The following DMD variants were observed in gnomAD, a reference collection of about 807,000 sequenced individuals.
DMD encodes mutant dystrophin.
In DMD, 63 loss-of-function variants were observed where a neutral mutation model predicts 330.1. That is an observed-to-expected ratio of 0.19 (90% confidence interval 0.16 to 0.24). The LOEUF is 0.24. Among genes scored for constraint, DMD ranks in the 10% least tolerant of loss-of-function variants. The pLI, the probability that DMD is intolerant of heterozygous loss-of-function variation, is 1.00. For synonymous variants in DMD, 1,223 were observed against 959.8 expected (o/e 1.27, Z -5.07); for missense variants, 3,344 against 2,684.1 (o/e 1.25, Z -5.43).
intron 41 of DMD, among the ~76,000 whole-genome samples, chrX:32,340,609 G>T (rs2097736801): frequency 3.6e-5 from 4 of 111,604 alleles, no homozygotes; most frequent in Admixed American, 2.9e-4. Context: ...AAGACCTGGG[G>T]AAAATTGGAA....
intron 2 of DMD, among the ~76,000 whole-genome samples, chrX:32,859,779 T>G (rs2149077566): frequency 9.0e-6 from 1 of 111,441 alleles, no homozygotes; most frequent in African/African-American, 3.3e-5. Context: ...ACACCATGTC[T>G]TTGTTGCAGG....
At chrX:33,305,470 T>G (rs5972814) in intron 1 of DMD, among the ~76,000 whole-genome samples, 22,439 of 97,663 alleles carry the variant, frequency 0.23, 2,311 homozygotes, top group Admixed American at 0.27. Context: ...TAATGCTAAA[T>G]GACGAGTTAA....
chrX:33,147,005 G>A (rs1393163340), intron 1 of DMD, among the ~76,000 whole-genome samples: 2 of 109,520 alleles, frequency 1.8e-5, no homozygotes, highest in African/African-American at 6.7e-5. Context: ...TTATTTTTTA[G>A]TAGAGACGGG....
At chrX:31,505,575 A>G (rs1569547868) in intron 56 of DMD, among the ~76,000 whole-genome samples, 1 of 111,028 alleles carries the variant, frequency 9.0e-6, no homozygotes, top group Non-Finnish European at 1.9e-5. Flanking sequence ...CTACGGTATC[A>G]TATGGTGGTT....
chrX:33,114,980 G>A (rs1316862056), intron 1 of DMD, among the ~76,000 whole-genome samples: 1 of 112,100 alleles, frequency 8.9e-6, no homozygotes, highest in East Asian at 2.8e-4. Flanking sequence ...AATTGTTAAT[G>A]TTTATAACAA....
intron 25 of DMD, among the ~76,000 whole-genome samples, chrX:32,457,555 G>A (rs931759205): frequency 1.8e-5 from 2 of 110,937 alleles, no homozygotes; most frequent in South Asian, 3.8e-4. Flanking sequence ...ATCCAGGTAC[G>A]TAAGTGGAAA....
intron 11 of DMD, among the ~76,000 whole-genome samples, chrX:32,637,174 G>A (rs982520091): frequency 2.7e-5 from 3 of 111,228 alleles, no homozygotes; most frequent in Non-Finnish European, 3.8e-5. Flanking sequence ...ATTATCTCTA[G>A]TAAGAATAGG....
chrX:31,394,938 T>TGA (rs757803694), intron 60 of DMD, among the ~76,000 whole-genome samples: 38 of 86,849 alleles, frequency 4.4e-4, no homozygotes, highest in East Asian at 1.5e-3. Context: ...GAGAGAAGGG[T>TGA]GAGAGAGAGA....
At chrX:31,231,165 C>T (rs777238990) in intron 63 of DMD, among the ~76,000 whole-genome samples, 73 of 110,630 alleles carry the variant, frequency 6.6e-4, no homozygotes, top group African/African-American at 2.3e-3. Flanking sequence ...ACATACAATC[C>T]ATAATAATTA....
At chrX:32,316,808 G>A (rs1481541382) in intron 41 of DMD, among the ~76,000 whole-genome samples, 3 of 110,736 alleles carry the variant, frequency 2.7e-5, no homozygotes, top group African/African-American at 9.8e-5. Flanking sequence ...GATCTAGTTT[G>A]CTATCTATTC....
intron 62 of DMD, among the ~76,000 whole-genome samples, chrX:31,315,816 A>G (rs181724982): frequency 1.8e-4 from 20 of 112,357 alleles, no homozygotes; most frequent in African/African-American, 5.5e-4. Context: ...CATTGATGAC[A>G]TTCTGTTAAG....
intron 48 of DMD, among the ~76,000 whole-genome samples, chrX:31,856,480 C>A (rs1242202951): frequency 8.9e-6 from 1 of 112,024 alleles, no homozygotes; most frequent in African/African-American, 3.2e-5. Flanking sequence ...TACCAGATTA[C>A]TTCTGTATTC....
In DMD at chrX:31,120,994, G is replaced by GTTGTT. The variant is rs778739799; in HGVS notation, c.*920_*924dup. ...ACTTTACTTTCGTTGTCAGTGGAAA[G>GTTGTT]TTGTTTAAAATGAGAAACATCTGGA... On this transcript the variant is annotated 3_prime_UTR_variant, in exon 79 of 79. Transcript: ENST00000357033. 9.0e-6 allele frequency: 1 copy of GTTGTT among 111,525 alleles called. No individual in the cohort carries two copies. Among genetic ancestry groups the GTTGTT allele is most frequent in the Non-Finnish European group, 1.9e-5 (1 of 53,046 alleles). 9.2% of individuals were successfully genotyped at this position (111,525 alleles called of 1,213,427 possible). A position where few individuals can be genotyped will look rare whatever the true frequency, so the allele number is the denominator to read the frequency against.
chrX:33,316,249 T>G (rs2053931203), intron 1 of DMD, among the ~76,000 whole-genome samples: 1 of 110,248 alleles, frequency 9.1e-6, no homozygotes, highest in Non-Finnish European at 1.9e-5. Flanking sequence ...AAAACCAAAC[T>G]CCAACAATTC....
chrX:31,498,990 C>T (rs748928243), intron 56 of DMD, among the ~76,000 whole-genome samples: 9 of 111,762 alleles, frequency 8.1e-5, no homozygotes, highest in Non-Finnish European at 1.1e-4. Context: ...TGTTTAATAG[C>T]ATGTAATGTG....
intron 1 of DMD, among the ~76,000 whole-genome samples, chrX:33,239,299 A>T (rs893587496): frequency 1.4e-4 from 13 of 94,934 alleles, no homozygotes; most frequent in Admixed American, 3.5e-4. Flanking sequence ...AAAAAAAAAA[A>T]AATGTCGAAT....
chrX:32,651,629 G>T (rs1345644869), intron 9 of DMD, among the ~76,000 whole-genome samples: 2 of 111,189 alleles, frequency 1.8e-5, no homozygotes, highest in Admixed American at 9.6e-5. Context: ...GAAGATACCA[G>T]AATACCAGAA....
chrX:33,164,358 A>G (rs769747275), intron 1 of DMD, among the ~76,000 whole-genome samples: 12 of 112,420 alleles, frequency 1.1e-4, no homozygotes, highest in Non-Finnish European at 1.9e-4. Flanking sequence ...TTAAGGTTTT[A>G]TTTGCTTGCT....
At chrX:33,130,801 T>G (rs1433793433) in intron 1 of DMD, among the ~76,000 whole-genome samples, 1 of 111,241 alleles carries the variant, frequency 9.0e-6, no homozygotes, top group Non-Finnish European at 1.9e-5. Flanking sequence ...TCCGCCTGCC[T>G]CGGCCTCCCA....
Sources: gnomAD v4.1 joint callset for allele counts (sites outside exome capture counted in the v4.1 genomes callset) on GRCh38, gnomAD v4.1.1 for gene constraint, MANE v1.5 for transcripts, NCBI Gene and HGNC (gene_info 2026-07-23, HGNC 2026-07-21) for gene names.